CEP128: variants seen among roughly 807,000 people sequenced by gnomAD.
CEP128 encodes centrosomal protein 128, also known as centrosomal protein 128kDa.
Under a neutral mutation model 156.7 loss-of-function variants are expected in CEP128, and 132 were observed. That is an observed-to-expected ratio of 0.84 (90% CI 0.73 to 0.97). The LOEUF is 0.97. Among genes scored for constraint, CEP128 ranks in the 50% least tolerant of loss-of-function variants. The pLI is 0.00. For synonymous variants in CEP128, 469 were observed against 448.9 expected (o/e 1.04, Z -0.57); for missense variants, 1,252 against 1,281.9 (o/e 0.98, Z 0.36).
intron 19 of CEP128, among the ~76,000 whole-genome samples, chr14:80,738,348 G>A (rs758411302): frequency 3.3e-5 from 5 of 152,100 alleles, no homozygotes; most frequent in African/African-American, 7.2e-5. Flanking sequence ...ATAGAAATTC[G>A]AAGGATGAGC....
At chr14:80,840,909 G>T in intron 9 of CEP128, 141 bp from the exon 10 acceptor site, 1 of 601,128 alleles carries the variant, frequency 1.7e-6, no homozygotes, top group Non-Finnish European at 3.0e-6. Flanking sequence ...CTGCTCATAA[G>T]AACACTTCAG....
chr14:80,838,223 C>T lies in CEP128; in HGVS notation c.905G>A (p.Arg302Gln), dbSNP rs150023941. Reference protein sequence around the residue: ...RRLLNQSEGSRETLLHQVEEL... With the variant: ...RRLLNQSEGSQETLLHQVEEL... ...ACTTACCTGATGCAAAAGTGTTTCT[C>T]GGCTGCCTTCTGATTGATTCAATAA... The change falls in exon 11 of 25, where the codon CGA becomes CAA. Residue 302 changes from arginine (R) to glutamine (Q), a missense_variant. By Grantham distance (43) the Arg-to-Gln change is conservative. Coordinates refer to ENST00000555265, the MANE Select transcript of CEP128 (RefSeq NM_152446.5). 1.9e-5 allele frequency: 31 copies of T among 1,612,744 alleles called. No homozygotes were observed. Among genetic ancestry groups the T allele is most frequent in the Middle Eastern group, 1.7e-4 (1 of 6,054 alleles).
chr14:80,540,321 GTC>G (rs920060482), intron 21 of CEP128, among the ~76,000 whole-genome samples: 2 of 151,540 alleles, frequency 1.3e-5, no homozygotes, highest in African/African-American at 4.9e-5. Flanking sequence ...TCTTTGTACT[GTC>G]TCTCTTTATT....
intron 8 of CEP128, among the ~76,000 whole-genome samples, chr14:80,877,056 G>A (rs966505860): frequency 2.0e-5 from 3 of 152,146 alleles, no homozygotes; most frequent in Admixed American, 2.0e-4. Context: ...GGTTTATGGA[G>A]TTGAGGTGCT....
At position 80,729,127 on chromosome 14, in the gene CEP128, G is replaced by GTGT. The variant is rs1222842349; in HGVS notation, c.2806+13947_2806+13948insACA. ...TGTGTGTGTGTGTGTGTGTGTGTGTGTTTACCCAGTGTTTAGTCTTTTATC... is the reference window on the plus strand; with the variant it reads ...TGTGTGTGTGTGTGTGTGTGTGTGTGTGTTTTACCCAGTGTTTAGTCTTTTATC... On this transcript the variant is annotated intron_variant, in intron 19 of 24. Transcript: ENST00000555265. Among the ~76,000 whole-genome samples the GTGT allele has an allele frequency of 3.9e-4, 45 of 115,112 alleles. 1 individual carries two copies. Among genetic ancestry groups the GTGT allele is most frequent in the African/African-American group, 1.3e-3 (44 of 34,030 alleles). The allele number at this position is 115,112 out of a possible 152,430, so 75.5% of individuals were successfully genotyped here.
chr14:80,810,654 A>G (rs61979452), intron 13 of CEP128, among the ~76,000 whole-genome samples: 48,279 of 151,920 alleles, frequency 0.32, 8,685 homozygotes, highest in Non-Finnish European at 0.4. Context: ...GGTCTTGTAC[A>G]ATGCATTAGT....
At chr14:80,743,466 T>C (rs1225093544) in intron 18 of CEP128, among the ~76,000 whole-genome samples, 199 bp from the exon 19 acceptor site, 1 of 152,204 alleles carries the variant, frequency 6.6e-6, no homozygotes, top group East Asian at 1.9e-4. Context: ...TAAGCCATGG[T>C]ATTCGTAGAT....
chr14:80,778,500 T>C lies in CEP128; in HGVS notation c.2212-454A>G, dbSNP rs1362068774. On this transcript the variant is annotated intron_variant, in intron 15 of 24. Coordinates refer to ENST00000555265, the MANE Select transcript of CEP128 (RefSeq NM_152446.5). ...CCTCGTCTATAGATGGGGCTTAACA[T>C]TCCTGTTCACCTTCACTTCTGGTTT... Among the ~76,000 whole-genome samples, 6 of 152,332 alleles carry C rather than the reference T, an allele frequency of 3.9e-5. No homozygotes were observed. In the East Asian group the frequency reaches 7.7e-4, roughly 20 times the overall value.
chr14:80,703,725 T>C (rs554445415), intron 19 of CEP128, among the ~76,000 whole-genome samples: 3 of 152,054 alleles, frequency 2.0e-5, no homozygotes, highest in African/African-American at 4.8e-5. Context: ...GACTAGAAAA[T>C]TGACATTAAT....
At chr14:80,650,991 T>G (rs989143769) in intron 19 of CEP128, among the ~76,000 whole-genome samples, 1 of 152,208 alleles carries the variant, frequency 6.6e-6, no homozygotes, top group African/African-American at 2.4e-5. Context: ...TTACAAGGAA[T>G]AGTACCAGCT....
chr14:80,733,154 G>A (rs980215158), intron 19 of CEP128, among the ~76,000 whole-genome samples: 8 of 152,116 alleles, frequency 5.3e-5, no homozygotes, highest in African/African-American at 1.4e-4. Context: ...CTGCATGAAC[G>A]TCTTCAAACT....
chr14:80,905,826 A>G (rs1883855918), intron 5 of CEP128, 129 bp downstream of exon 5: 1 of 808,518 alleles, frequency 1.2e-6, no homozygotes, highest in Non-Finnish European at 1.9e-6. Context: ...AAAATCCTTG[A>G]CAACTACATG....
chr14:80,661,046 C>A lies in CEP128; in HGVS notation c.2807-80623G>T, dbSNP rs138739434. Among the ~76,000 whole-genome samples, 150 of 152,280 alleles carry A rather than the reference C, an allele frequency of 9.9e-4. 1 individual carries two copies. Among genetic ancestry groups the A allele is most frequent in the Non-Finnish European group, 2.4e-4 (16 of 68,012 alleles). On this transcript the variant is annotated intron_variant, in intron 19 of 24. Coordinates refer to ENST00000555265, the MANE Select transcript of CEP128 (RefSeq NM_152446.5). ...GAATCCCATAAAAGCCAATACAGTG[C>A]TACATAGTAACCCAGCGTCACTGAA...
chr14:80,627,417 T>C (rs1893773899), intron 19 of CEP128, among the ~76,000 whole-genome samples: 1 of 152,224 alleles, frequency 6.6e-6, no homozygotes, highest in Admixed American at 6.5e-5. Flanking sequence ...TGCTCAAAGA[T>C]GTAAGAACGC....
chr14:80,626,914 A>G (rs1414445203), intron 19 of CEP128, among the ~76,000 whole-genome samples: 1 of 152,258 alleles, frequency 6.6e-6, no homozygotes, highest in Non-Finnish European at 1.5e-5. Context: ...CCTGGGCAAC[A>G]GAGCAGGACT....
intron 19 of CEP128, among the ~76,000 whole-genome samples, chr14:80,711,789 AT>A (rs1897419730): frequency 6.6e-6 from 1 of 152,144 alleles, no homozygotes; most frequent in Non-Finnish European, 1.5e-5. Context: ...ATTATTGTTT[AT>A]TATATGCTTG....
intron 13 of CEP128, among the ~76,000 whole-genome samples, chr14:80,802,741 T>C (rs760219279): frequency 4.2e-4 from 64 of 152,220 alleles, no homozygotes; most frequent in Non-Finnish European, 2.6e-4. Flanking sequence ...AGTTTAAGCT[T>C]TCAAAGGTTT....
intron 20 of CEP128, among the ~76,000 whole-genome samples, chr14:80,568,366 GTAAATAGTCCACCTTTGGAAT>G (rs1430078475): frequency 2.6e-5 from 4 of 152,170 alleles, no homozygotes. Context: ...AATGCTACAA[GTAAATAGTCCACCTTTGGAAT>G]TAATGACTTA....
intron 18 of CEP128, among the ~76,000 whole-genome samples, chr14:80,751,155 T>C (rs1342725572): frequency 6.6e-6 from 1 of 152,214 alleles, no homozygotes; most frequent in Non-Finnish European, 1.5e-5. Context: ...AAGTCATTCA[T>C]TGTGTGGTAT....
Sources: allele counts gnomAD v4.1 joint callset (sites outside exome capture counted in the v4.1 genomes callset), GRCh38; gene constraint gnomAD v4.1.1; transcripts MANE v1.5; gene names NCBI Gene and HGNC (gene_info 2026-07-23, HGNC 2026-07-21).